Variants in ZMAT3 observed in about 807,000 individuals in gnomAD.
ZMAT3 encodes zinc finger matrin-type protein 3.
ZMAT3 carries 17 observed loss-of-function variants against 32.3 expected under a neutral mutation model. The ratio of observed to expected loss-of-function variants is 0.53; its 90% confidence interval spans 0.36 to 0.79. ZMAT3 has a LOEUF of 0.79. ZMAT3 is among the 30% of genes least tolerant of loss of function. The pLI is 0.00. For synonymous variants in ZMAT3, 120 were observed against 133.1 expected (o/e 0.90, Z 0.68); for missense variants, 329 against 359.7 (o/e 0.91, Z 0.69).
At chr3:179,029,382 C>T (rs956636536) in intron 3 of ZMAT3, among the ~76,000 whole-genome samples, 5 of 151,976 alleles carry the variant, frequency 3.3e-5, no homozygotes, top group African/African-American at 1.2e-4. Flanking sequence ...GAGACACTTG[C>T]CTTGGGCTCA....
At chr3:179,064,790 C>T (rs1442120178) in intron 2 of ZMAT3, among the ~76,000 whole-genome samples, 1 of 152,212 alleles carries the variant, frequency 6.6e-6, no homozygotes, top group Non-Finnish European at 1.5e-5. Context: ...TGTACACCCT[C>T]TGATGCATCT....
chr3:179,070,896 G>A lies in ZMAT3; in HGVS notation c.-58+699C>T, dbSNP rs1000123260. On this transcript the variant is annotated intron_variant, in intron 1 of 5. Transcript: ENST00000311417. ...CCTACTCTTCACATACTGTGTTAAA[G>A]ACAATCTCTTGTCTCATTTGGAGAA... is the stretch of plus-strand genomic sequence containing the variant. 4.6e-5 allele frequency among the ~76,000 whole-genome samples: 7 copies of A among 152,130 alleles called. No individual in the cohort carries two copies. The South Asian group carries it at 1.0e-3, about 23-fold the overall frequency.
At chr3:179,069,105 T>G (rs76501243) in intron 1 of ZMAT3, among the ~76,000 whole-genome samples, 1 of 55,394 alleles carries the variant, frequency 1.8e-5, no homozygotes, top group Non-Finnish European at 4.5e-5. Flanking sequence ...AAAACCCAAA[T>G]TTTTCCTCCT....
At chr3:179,029,165 A>C (rs1222507515) in intron 3 of ZMAT3, among the ~76,000 whole-genome samples, 2 of 152,070 alleles carry the variant, frequency 1.3e-5, no homozygotes, top group African/African-American at 4.8e-5. Flanking sequence ...ATCTCAAAAA[A>C]AAAAAAAAAG....
intron 2 of ZMAT3, among the ~76,000 whole-genome samples, chr3:179,038,787 G>C (rs982488547): frequency 1.3e-5 from 2 of 152,210 alleles, no homozygotes; most frequent in African/African-American, 4.8e-5. Context: ...CAAGAGGTCA[G>C]GGGATTTCCC....
At chr3:179,050,903 A>C (rs1720520476) in intron 2 of ZMAT3, among the ~76,000 whole-genome samples, 1 of 152,240 alleles carries the variant, frequency 6.6e-6, no homozygotes, top group Admixed American at 6.5e-5. Flanking sequence ...TCACCTCAAT[A>C]GACACAGAAA....
intron 2 of ZMAT3, among the ~76,000 whole-genome samples, chr3:179,041,069 C>T (rs1346339066): frequency 6.6e-6 from 1 of 152,124 alleles, no homozygotes; most frequent in Admixed American, 6.5e-5. Flanking sequence ...CAGGAGCACC[C>T]AGATTCATAA....
chr3:179,066,075 G>A (rs1721401693), intron 2 of ZMAT3, among the ~76,000 whole-genome samples: 1 of 152,036 alleles, frequency 6.6e-6, no homozygotes, highest in Non-Finnish European at 1.5e-5. Context: ...ACATTCCGTA[G>A]GAATAAATGA....
At chr3:179,071,866 T>A (rs1467177051), upstream of ZMAT3, 1 of 152,384 alleles carries the variant, frequency 6.6e-6, no homozygotes, top group East Asian at 1.9e-4. Context: ...GCGTCGCCAC[T>A]GCGCATGTGC....
At chr3:179,054,036 G>A (rs981604500) in intron 2 of ZMAT3, among the ~76,000 whole-genome samples, 11 of 152,214 alleles carry the variant, frequency 7.2e-5, no homozygotes, top group Admixed American at 5.2e-4. Flanking sequence ...TGTTTGGGGA[G>A]TCTGAATAAG....
rs543764132 is a variant in ZMAT3, at chr3:179,036,054, C to T, written c.271-5055G>A. The stretch of plus-strand genomic sequence containing the variant: ...ATACACAGGGGGCTCATTCTTAATG[C>T]CTTTGCCCATGATAAAGAACTTGGA... On this transcript the variant is annotated intron_variant, in intron 2 of 5. Coordinates refer to ENST00000311417, the MANE Select transcript of ZMAT3 (RefSeq NM_022470.4). Among the ~76,000 whole-genome samples the T allele has an allele frequency of 1.6e-4, 24 of 152,230 alleles. No homozygotes were observed. The South Asian group carries it at 5.0e-3, about 32-fold the overall frequency.
chr3:179,062,259 G>C (rs1001438663), intron 2 of ZMAT3, among the ~76,000 whole-genome samples: 4 of 152,042 alleles, frequency 2.6e-5, no homozygotes, highest in African/African-American at 9.7e-5. Flanking sequence ...GGAATGAATG[G>C]GAAATAAAGA....
At chr3:179,049,991 C>CAA (rs34239014) in intron 2 of ZMAT3, among the ~76,000 whole-genome samples, 923 of 8,138 alleles carry the variant, frequency 0.11, 400 homozygotes, top group Middle Eastern at 0.25. Flanking sequence ...GACTCCGTCT[C>CAA]AAAAAAAAAA....
Position 179,067,799 on chromosome 3 carries a change from G to A in ZMAT3, c.-47C>T, listed in dbSNP as rs773434601. The A allele has an allele frequency of 1.9e-6, 3 of 1,595,254 alleles. No homozygotes were observed. The highest frequency in any genetic ancestry group is 2.6e-6 in the Non-Finnish European group (3 of 1,169,990). On this transcript the variant is annotated 5_prime_UTR_variant, in exon 2 of 6. Coordinates refer to ENST00000311417, the MANE Select transcript of ZMAT3 (RefSeq NM_022470.4). Reference sequence around the variant, plus strand: ...TAATCCAGTGGGTGATGAGAAGCAAGGTCTTCAAATCTGAATCAACAGCAA... The same window carrying A: ...TAATCCAGTGGGTGATGAGAAGCAAAGTCTTCAAATCTGAATCAACAGCAA...
At chr3:179,061,821 A>T (rs1721166447) in intron 2 of ZMAT3, among the ~76,000 whole-genome samples, 1 of 152,236 alleles carries the variant, frequency 6.6e-6, no homozygotes, top group Non-Finnish European at 1.5e-5. Flanking sequence ...AAAATTCCCT[A>T]TTCACAATAA....
rs1718591140 is a variant in ZMAT3 at position 179,022,387 on chromosome 3, G to T, written c.*2630C>A. On this transcript the variant is annotated 3_prime_UTR_variant, in exon 6 of 6. Coordinates refer to ENST00000311417, the MANE Select transcript of ZMAT3 (RefSeq NM_022470.4). ...TCTTCTACTGTTATTTGAAATAAGG[G>T]TTGAAATACCTCTCTATGACAACAT... 1 of 152,014 alleles carries T rather than the reference G, an allele frequency of 6.6e-6. No homozygotes were observed. The highest frequency in any genetic ancestry group is 1.5e-5 in the Non-Finnish European group (1 of 68,006). 9.4% of individuals were successfully genotyped at this position (152,014 alleles called of 1,614,324 possible). A position where few individuals can be genotyped will look rare whatever the true frequency, so the allele number is the denominator to read the frequency against.
At chr3:179,051,035 G>A (rs1361648053) in intron 2 of ZMAT3, among the ~76,000 whole-genome samples, 2 of 152,134 alleles carry the variant, frequency 1.3e-5, no homozygotes, top group Non-Finnish European at 2.9e-5. Flanking sequence ...ACATTATACT[G>A]AATGCGGAAA....
intron 2 of ZMAT3, among the ~76,000 whole-genome samples, chr3:179,063,637 T>C (rs1444448220): frequency 1.4e-4 from 22 of 152,270 alleles, no homozygotes; most frequent in Admixed American, 1.4e-3. Context: ...TTTCTGTTAA[T>C]AACCTTCCCT....
chr3:179,050,175 G>T (rs1720476516), intron 2 of ZMAT3, among the ~76,000 whole-genome samples: 1 of 151,746 alleles, frequency 6.6e-6, no homozygotes, highest in Admixed American at 6.6e-5. Flanking sequence ...AAAAGATTAA[G>T]TGAAACAAAA....
Sources: allele counts gnomAD v4.1 joint callset (sites outside exome capture counted in the v4.1 genomes callset), GRCh38; gene constraint gnomAD v4.1.1; transcripts MANE v1.5; gene names NCBI Gene and HGNC (gene_info 2026-07-23, HGNC 2026-07-21).